TNIK: variants seen among roughly 807,000 people sequenced by gnomAD.
The protein encoded by TNIK is TRAF2 and NCK-interacting protein kinase.
Under a neutral mutation model 191.3 loss-of-function variants are expected in TNIK, and 49 were observed. That is an observed-to-expected ratio of 0.26 (90% CI 0.20 to 0.32). The LOEUF (loss-of-function observed/expected upper bound fraction) is 0.32, where lower values mean the gene tolerates loss of function less well. Ranked by LOEUF, TNIK falls within the 10% of genes least tolerant of loss-of-function variation. The pLI is 1.00. For missense variants in TNIK, 1,155 were observed against 1,702.3 expected (o/e 0.68, Z 5.66); for synonymous variants, 594 against 600.9 (o/e 0.99, Z 0.17).
At chr3:171,411,418 A>T (rs1336948086) in intron 1 of TNIK, among the ~76,000 whole-genome samples, 1 of 152,192 alleles carries the variant, frequency 6.6e-6, no homozygotes, top group Non-Finnish European at 1.5e-5. Context: ...AGAAAAAATT[A>T]AAAAAGAGTT....
At chr3:171,246,472 C>T (rs952872378) in intron 2 of TNIK, among the ~76,000 whole-genome samples, 1 of 152,166 alleles carries the variant, frequency 6.6e-6, no homozygotes, top group Non-Finnish European at 1.5e-5. Flanking sequence ...CACACATTAA[C>T]TCATCACAGC....
At chr3:171,160,020 AC>A (rs1733760785) in intron 11 of TNIK, among the ~76,000 whole-genome samples, 1 of 152,214 alleles carries the variant, frequency 6.6e-6, no homozygotes, top group Admixed American at 6.5e-5. Flanking sequence ...TGACACAGTA[AC>A]CTTTTGGGTA....
At position 171,445,436 on chromosome 3, in the gene TNIK, A is replaced by G. The variant is rs77199260; in HGVS notation, c.57+14571T>C. Among the ~76,000 whole-genome samples, 637 of 151,520 alleles carry G rather than the reference A, an allele frequency of 4.2e-3. 6 individuals are homozygous for G. The highest frequency in any genetic ancestry group is 0.015 in the African/African-American group (606 of 41,316). ...CCTGTCTCCAAAAAAAAAAAAAAAA[A>G]GTTGAGAGAGGCAGGGCCTAACAGA... On this transcript the variant is annotated intron_variant, in intron 1 of 32. Transcript: ENST00000436636.
intron 1 of TNIK, among the ~76,000 whole-genome samples, chr3:171,373,950 T>C (rs945309587): frequency 6.6e-6 from 1 of 152,230 alleles, no homozygotes; most frequent in Admixed American, 6.5e-5. Context: ...CTAGCCTCTC[T>C]TACATTTCTC....
chr3:171,285,789 G>GT (rs1384647722), intron 2 of TNIK, among the ~76,000 whole-genome samples: 3 of 152,178 alleles, frequency 2.0e-5, no homozygotes, highest in Non-Finnish European at 1.5e-5. Flanking sequence ...GTTCTTGTGT[G>GT]TTTTTTTAAC....
At chr3:171,374,991 C>T (rs1577682389) in intron 1 of TNIK, among the ~76,000 whole-genome samples, 3 of 152,320 alleles carry the variant, frequency 2.0e-5, no homozygotes, top group East Asian at 1.9e-4. Context: ...GATGGTCAGA[C>T]TCCAAACCTT....
chr3:171,293,356 C>T (rs1210085743), intron 2 of TNIK, among the ~76,000 whole-genome samples: 1 of 152,216 alleles, frequency 6.6e-6, no homozygotes, highest in Non-Finnish European at 1.5e-5. Flanking sequence ...AGCCTCCAGC[C>T]AAACCTGGTC....
rs550487467 is a variant in TNIK, at chr3:171,302,568, G to GTTTT, written c.123+67051_123+67052insAAAA. Among the ~76,000 whole-genome samples the GTTTT allele has an allele frequency of 1.4e-3, 211 of 152,234 alleles. 4 individuals are homozygous for GTTTT. In the East Asian group the frequency reaches 0.032, roughly 23 times the overall value. On this transcript the variant is annotated intron_variant, in intron 2 of 32. Coordinates refer to ENST00000436636, the MANE Select transcript of TNIK (RefSeq NM_015028.4). Reference sequence around the variant, plus strand: ...CAAACCTTGGCTCCAATGGGAACCCGAACATTAGACTTTAAAATTTTCTTT... The same window carrying GTTTT: ...CAAACCTTGGCTCCAATGGGAACCCGTTTTAACATTAGACTTTAAAATTTTCTTT...
At chr3:171,104,660 C>CAAATAGATATTAGTTCAATTTTTGA (rs1425643591) in intron 21 of TNIK, among the ~76,000 whole-genome samples, 120 of 152,098 alleles carry the variant, frequency 7.9e-4, no homozygotes, top group African/African-American at 2.8e-3. Flanking sequence ...ATAGTTTATT[C>CAAATAGATATTAGTTCAATTTTTGA]AAATAAATAT....
chr3:171,136,664 C>T (rs1354417273), intron 15 of TNIK, among the ~76,000 whole-genome samples: 2 of 152,180 alleles, frequency 1.3e-5, no homozygotes, highest in Non-Finnish European at 2.9e-5. Context: ...GTGGTCTGAA[C>T]ACCTGCCATG....
chr3:171,206,701 C>T (rs908682344), intron 4 of TNIK, among the ~76,000 whole-genome samples: 3 of 151,986 alleles, frequency 2.0e-5, no homozygotes, highest in African/African-American at 7.3e-5. Flanking sequence ...TTTTGAGGCC[C>T]GGGGAAAGTC....
At chr3:171,321,092 A>G (rs1383157730) in intron 2 of TNIK, among the ~76,000 whole-genome samples, 1 of 152,222 alleles carries the variant, frequency 6.6e-6, no homozygotes, top group African/African-American at 2.4e-5. Context: ...AAAACCTTAT[A>G]TAGTAATGAA....
chr3:171,116,306 C>T (rs1726683731), intron 18 of TNIK, among the ~76,000 whole-genome samples: 1 of 152,210 alleles, frequency 6.6e-6, no homozygotes, highest in South Asian at 2.1e-4. Flanking sequence ...ATCCCTTGTT[C>T]ACATCTTAAC....
intron 22 of TNIK, among the ~76,000 whole-genome samples, chr3:171,097,645 C>G (rs757731456): frequency 3.9e-5 from 6 of 152,200 alleles, no homozygotes; most frequent in Admixed American, 6.5e-5. Flanking sequence ...GTAAGACATG[C>G]CTTTGCTCCT....
intron 2 of TNIK, among the ~76,000 whole-genome samples, chr3:171,326,799 T>C (rs1056744291): frequency 1.5e-4 from 23 of 152,326 alleles, no homozygotes; most frequent in African/African-American, 5.5e-4. Flanking sequence ...TTTGTTCACA[T>C]TGAGTATTTA....
At chr3:171,333,876 C>G (rs1394371759) in intron 2 of TNIK, among the ~76,000 whole-genome samples, 1 of 152,184 alleles carries the variant, frequency 6.6e-6, no homozygotes, top group East Asian at 1.9e-4. Flanking sequence ...CAGTTTTTTT[C>G]TCCAACTGCG....
intron 18 of TNIK, among the ~76,000 whole-genome samples, chr3:171,117,001 G>A (rs1726813282): frequency 1.3e-5 from 2 of 152,218 alleles, no homozygotes. Flanking sequence ...CAGGATGACT[G>A]TGCTATCTCC....
At chr3:171,217,253 A>G (rs548780813) in intron 3 of TNIK, among the ~76,000 whole-genome samples, 1 of 152,264 alleles carries the variant, frequency 6.6e-6, no homozygotes, top group East Asian at 1.9e-4. Flanking sequence ...TTTCAGTAAC[A>G]TGGTTGAGCT....
chr3:171,168,409 T>C (rs1163642955), intron 9 of TNIK, among the ~76,000 whole-genome samples: 1 of 152,170 alleles, frequency 6.6e-6, no homozygotes, highest in Non-Finnish European at 1.5e-5. Context: ...AGTCCCTGCA[T>C]ACATACTCTC....
Sources: allele counts gnomAD v4.1 joint callset (sites outside exome capture counted in the v4.1 genomes callset), GRCh38; gene constraint gnomAD v4.1.1; transcripts MANE v1.5; gene names NCBI Gene and HGNC (gene_info 2026-07-23, HGNC 2026-07-21).